The following SHROOM4 variants were observed in gnomAD, a reference collection of about 807,000 sequenced individuals.
The protein encoded by SHROOM4 is protein Shroom4.
A neutral mutation model predicts 80.3 loss-of-function variants in SHROOM4; 17 were observed. The observed-to-expected ratio is 0.21, with a 90% CI of 0.14 to 0.32. SHROOM4 has a LOEUF of 0.32. Among genes scored for constraint, SHROOM4 ranks in the 10% least tolerant of loss-of-function variants. The pLI is 1.00. For synonymous variants in SHROOM4, 400 were observed against 437.5 expected, an observed-to-expected ratio of 0.91 and a Z score of 1.07; for missense variants, 993 against 1,140.3, an observed-to-expected ratio of 0.87 and a Z score of 1.86.
At position 50,814,112 on chromosome X, in the gene SHROOM4, T is replaced by A; in HGVS notation, c.-94A>T. On this transcript the variant is annotated 5_prime_UTR_variant, in exon 1 of 9. Coordinates refer to ENST00000376020, the MANE Select transcript of SHROOM4 (RefSeq NM_020717.5). ...CTCCGCCACCATCGCCCTCCAGCTCTACGCCACCCCGCACCGCCCTGCTCC... is the reference window on the plus strand; with the variant it reads ...CTCCGCCACCATCGCCCTCCAGCTCAACGCCACCCCGCACCGCCCTGCTCC... 2 of 597,553 alleles carry A rather than the reference T, an allele frequency of 3.3e-6. No homozygotes were observed. Among genetic ancestry groups the A allele is most frequent in the Non-Finnish European group, 5.6e-6 (2 of 354,582 alleles). The allele number at this position is 597,553 out of a possible 1,213,427, so 49.2% of individuals were successfully genotyped here.
At chrX:50,577,347 T>C in the SHROOM4 span, among the ~76,000 whole-genome samples, 201 of 113,051 alleles carry the variant, frequency 1.8e-3, 1 homozygote, top group Middle Eastern at 0.032. Context: ...AGAACTGTTA[T>C]TCACATATGA....
intron 1 of SHROOM4, among the ~76,000 whole-genome samples, chrX:50,784,540 T>C (rs888156607): frequency 1.5e-4 from 17 of 111,881 alleles, no homozygotes; most frequent in African/African-American, 5.5e-4. Context: ...TTGGAATAAC[T>C]AGACGTCCAT....
intron 2 of SHROOM4, among the ~76,000 whole-genome samples, chrX:50,652,338 G>A (rs782746308): frequency 5.9e-4 from 66 of 112,253 alleles, no homozygotes; most frequent in Admixed American, 1.7e-3. Flanking sequence ...GGCCAATGAC[G>A]ATAAGCTTTT....
chrX:50,742,220 T>G (rs782500158), intron 1 of SHROOM4, among the ~76,000 whole-genome samples: 1 of 111,222 alleles, frequency 9.0e-6, no homozygotes, highest in Non-Finnish European at 1.9e-5. Context: ...AAATATATGC[T>G]TATATTTTCA....
intron 1 of SHROOM4, among the ~76,000 whole-genome samples, chrX:50,758,246 C>T (rs1557268578): frequency 9.0e-6 from 1 of 111,578 alleles, no homozygotes; most frequent in African/African-American, 3.3e-5. Flanking sequence ...ATCTGTAATG[C>T]AATGTTGAAT....
At chrX:50,730,794 A>T (rs782369408) in intron 1 of SHROOM4, among the ~76,000 whole-genome samples, 23 of 110,953 alleles carry the variant, frequency 2.1e-4, no homozygotes, top group African/African-American at 7.5e-4. Context: ...AAAAAAAAAA[A>T]AATAACATTA....
rs1557246763 is a variant in SHROOM4, at chrX:50,596,789, A to G, written c.4388T>C (p.Ile1463Thr). 2.5e-6 allele frequency: 3 copies of G among 1,211,962 alleles called. No homozygotes were observed. The South Asian group carries it at 5.3e-5, about 21-fold the overall frequency. Residue 1463 changes from isoleucine (I) to threonine (T), a missense_variant, in exon 9 of 9, where the codon ATT becomes ACT. Physicochemically the swap from Ile to Thr is moderately conservative, Grantham distance 89 (BLOSUM62 -1). Transcript: ENST00000376020. The part of the protein sequence containing the change: ...HFVKMKSALI[I>T]EQRELEEKIK... ...CTTCTCCTCCAGCTCTCGCTGTTCA[A>G]TGATGAGAGCAGATTTCATCTTGAC...
At chrX:50,652,176 T>G (rs1396564592) in intron 2 of SHROOM4, among the ~76,000 whole-genome samples, 5 of 111,995 alleles carry the variant, frequency 4.5e-5, no homozygotes, top group Non-Finnish European at 9.4e-5. Flanking sequence ...CCACAATGGT[T>G]CAACTAATTT....
intron 2 of SHROOM4, among the ~76,000 whole-genome samples, chrX:50,646,592 C>A (rs1311623053): frequency 3.0e-5 from 3 of 100,009 alleles, no homozygotes; most frequent in African/African-American, 1.1e-4. Context: ...TGAAAGAGAA[C>A]TTTCAGGACA....
At chrX:50,759,501 C>T (rs1251452878) in intron 1 of SHROOM4, among the ~76,000 whole-genome samples, 16 of 111,905 alleles carry the variant, frequency 1.4e-4, no homozygotes, top group African/African-American at 4.2e-4. Context: ...TTTCAGACAA[C>T]CAACTTTTGG....
At chrX:50,628,113 G>C (rs935024705) in intron 4 of SHROOM4, among the ~76,000 whole-genome samples, 11 of 111,844 alleles carry the variant, frequency 9.8e-5, no homozygotes, top group African/African-American at 2.6e-4. Flanking sequence ...TGACCCTTGA[G>C]GGGGGCTTTG....
intron 5 of SHROOM4, among the ~76,000 whole-genome samples, chrX:50,618,415 C>T (rs55959726): frequency 0.3 from 22,771 of 77,094 alleles, 3,781 homozygotes; most frequent in South Asian, 0.37. Context: ...TTCCTTCCTT[C>T]CTTCCTTTCT....
At chrX:50,722,835 A>G (rs900653342) in intron 1 of SHROOM4, among the ~76,000 whole-genome samples, 1 of 110,983 alleles carries the variant, frequency 9.0e-6, no homozygotes, top group Admixed American at 9.6e-5. Context: ...CTCCCTTTCC[A>G]TCATTTCCCT....
intron 1 of SHROOM4, among the ~76,000 whole-genome samples, chrX:50,813,235 C>T (rs1936386865): frequency 1.8e-5 from 2 of 111,433 alleles, no homozygotes; most frequent in Admixed American, 1.9e-4. Flanking sequence ...CGCTCCATGG[C>T]GCAAGTTTCC....
intron 2 of SHROOM4, among the ~76,000 whole-genome samples, chrX:50,651,127 C>T (rs1477854712): frequency 9.0e-6 from 1 of 111,508 alleles, no homozygotes; most frequent in Non-Finnish European, 1.9e-5. Flanking sequence ...TCAGGGCCTT[C>T]CTGGGTTTAG....
chrX:50,813,182 G>GGCGGCGGCGGCGGCGGCGGCA (rs1342056702), intron 1 of SHROOM4, among the ~76,000 whole-genome samples: 12 of 109,876 alleles, frequency 1.1e-4, no homozygotes, highest in African/African-American at 3.6e-4. Context: ...CGGCGGCGGC[G>GGCGGCGGCGGCGGCGGCGGCA]GCGGCAGCGG....
rs782146496 is a variant in SHROOM4 at position 50,596,556 on chromosome X, G to C, written c.*139C>G. On this transcript the variant is annotated 3_prime_UTR_variant, in exon 9 of 9. Coordinates refer to ENST00000376020, the MANE Select transcript of SHROOM4 (RefSeq NM_020717.5). ...TGGTTAGGACCACTGCTAGGGAAGG[G>C]GTAGTGAGAGACATCCAGGGTAGAG... 6.0e-6 allele frequency: 5 copies of C among 833,168 alleles called. No individual in the cohort carries two copies. The South Asian group carries it at 8.7e-5, about 14-fold the overall frequency. 68.7% of individuals were successfully genotyped at this position (833,168 alleles called of 1,213,427 possible). A position where few individuals can be genotyped will look rare whatever the true frequency, so the allele number is the denominator to read the frequency against.
chrX:50,663,809 A>G (rs566235028), intron 2 of SHROOM4, among the ~76,000 whole-genome samples: 2 of 111,451 alleles, frequency 1.8e-5, no homozygotes, highest in East Asian at 5.7e-4. Flanking sequence ...ACTCATTTTG[A>G]TAACCACGTA....
At chrX:50,651,341 C>G (rs1932046865) in intron 2 of SHROOM4, among the ~76,000 whole-genome samples, 1 of 112,175 alleles carries the variant, frequency 8.9e-6, no homozygotes, top group South Asian at 3.7e-4. Flanking sequence ...CATAACCTTA[C>G]TAAGTCCACC....
Sources: allele counts gnomAD v4.1 joint callset (sites outside exome capture counted in the v4.1 genomes callset), GRCh38; gene constraint gnomAD v4.1.1; transcripts MANE v1.5; gene names NCBI Gene and HGNC (gene_info 2026-07-23, HGNC 2026-07-21).